Variants in SEMA3E observed in about 807,000 individuals in gnomAD.
SEMA3E encodes the protein semaphorin 3E.
Under a neutral mutation model 93.6 loss-of-function variants are expected in SEMA3E, and 49 were observed. The ratio of observed to expected loss-of-function variants is 0.52; its 90% CI spans 0.42 to 0.66. The LOEUF is 0.66. SEMA3E is among the 30% of genes least tolerant of loss of function. The probability of loss-of-function intolerance (pLI) is 0.00; values close to 1 mark genes in which losing one functional copy is unlikely to be tolerated. For synonymous variants in SEMA3E, 363 were observed against 330.7 expected (o/e 1.10, Z -1.06); for missense variants, 906 against 964.8 (o/e 0.94, Z 0.81).
At chr7:83,646,679 AT>A (rs1337160464) in intron 1 of SEMA3E, among the ~76,000 whole-genome samples, 2 of 152,046 alleles carry the variant, frequency 1.3e-5, no homozygotes, top group African/African-American at 4.8e-5. Flanking sequence ...AGTTACAATT[AT>A]TTCTTTGAAT....
At chr7:83,627,871 G>A (rs757197351) in intron 1 of SEMA3E, among the ~76,000 whole-genome samples, 11 of 151,948 alleles carry the variant, frequency 7.2e-5, no homozygotes, top group Non-Finnish European at 1.5e-4. Flanking sequence ...GATGCTAGCT[G>A]GTTATTTTGC....
intron 1 of SEMA3E, among the ~76,000 whole-genome samples, chr7:83,571,480 C>T (rs565878719): frequency 6.6e-6 from 1 of 152,258 alleles, no homozygotes; most frequent in South Asian, 2.1e-4. Flanking sequence ...ACCATATGAT[C>T]ATCTTCACAG....
intron 1 of SEMA3E, among the ~76,000 whole-genome samples, chr7:83,496,779 A>G (rs982647415): frequency 4.6e-5 from 7 of 152,072 alleles, no homozygotes; most frequent in African/African-American, 1.7e-4. Flanking sequence ...TTACCAAGTA[A>G]TGGCTGACTC....
intron 1 of SEMA3E, among the ~76,000 whole-genome samples, chr7:83,578,378 G>A (rs1161059448): frequency 2.0e-5 from 3 of 151,986 alleles, no homozygotes; most frequent in Non-Finnish European, 2.9e-5. Flanking sequence ...CTAACATGGC[G>A]AAACCCACCT....
chr7:83,508,725 G>A (rs1041474241), intron 1 of SEMA3E, among the ~76,000 whole-genome samples: 1 of 152,028 alleles, frequency 6.6e-6, no homozygotes, highest in Admixed American at 6.6e-5. Flanking sequence ...TATCTATGGG[G>A]AATTTAGGTT....
chr7:83,483,022 A>C (rs1198216025), intron 2 of SEMA3E, among the ~76,000 whole-genome samples: 4 of 152,088 alleles, frequency 2.6e-5, no homozygotes, highest in African/African-American at 9.7e-5. Context: ...TGCTCAGCTC[A>C]AAAAATTTAG....
intron 1 of SEMA3E, among the ~76,000 whole-genome samples, chr7:83,613,457 G>T (rs574969584): frequency 6.6e-6 from 1 of 152,112 alleles, no homozygotes; most frequent in African/African-American, 2.4e-5. Flanking sequence ...TTCAGAAAGT[G>T]CTCTTTCTTT....
intron 6 of SEMA3E, among the ~76,000 whole-genome samples, chr7:83,407,587 T>C (rs1241178339): frequency 6.6e-6 from 1 of 152,108 alleles, no homozygotes; most frequent in Non-Finnish European, 1.5e-5. Context: ...ACAAATTTCC[T>C]CCCATTGTAG....
At chr7:83,597,041 G>C (rs1349602402) in intron 1 of SEMA3E, among the ~76,000 whole-genome samples, 1 of 151,980 alleles carries the variant, frequency 6.6e-6, no homozygotes, top group South Asian at 2.1e-4. Flanking sequence ...TTAGACCAAC[G>C]GAACCGGTGA....
chr7:83,591,966 A>G (rs1792764778), intron 1 of SEMA3E, among the ~76,000 whole-genome samples: 1 of 152,104 alleles, frequency 6.6e-6, no homozygotes, highest in Non-Finnish European at 1.5e-5. Context: ...TTGCATATAT[A>G]GTCATGCAAA....
intron 5 of SEMA3E, among the ~76,000 whole-genome samples, chr7:83,412,372 G>C (rs1584230963): frequency 6.6e-6 from 1 of 152,014 alleles, no homozygotes; most frequent in African/African-American, 2.4e-5. Context: ...TTGAATCAAA[G>C]AATGGCTTAA....
chr7:83,531,081 A>T (rs2713149), intron 1 of SEMA3E, among the ~76,000 whole-genome samples: 128,629 of 152,060 alleles, frequency 0.85, 54,662 homozygotes, highest in South Asian at 0.95. Context: ...TATTTGCAAT[A>T]GCATGAAAAG....
intron 1 of SEMA3E, among the ~76,000 whole-genome samples, chr7:83,581,261 C>T (rs541560510): frequency 3.3e-5 from 5 of 151,898 alleles, no homozygotes; most frequent in Non-Finnish European, 7.4e-5. Flanking sequence ...TGTATCATTC[C>T]ATCAGTAAAA....
intron 2 of SEMA3E, among the ~76,000 whole-genome samples, chr7:83,481,890 T>A (rs527922307): frequency 6.6e-6 from 1 of 152,184 alleles, no homozygotes; most frequent in Admixed American, 6.5e-5. Context: ...TAGAAAATAA[T>A]TATTTAGTAC....
intron 4 of SEMA3E, among the ~76,000 whole-genome samples, chr7:83,436,189 TACAC>T (rs1448608614): frequency 1.3e-5 from 2 of 151,622 alleles, no homozygotes; most frequent in Non-Finnish European, 2.9e-5. Context: ...TGTGTGTGTG[TACAC>T]ACACACGCAT....
intron 3 of SEMA3E, among the ~76,000 whole-genome samples, chr7:83,467,415 C>G (rs533538918): frequency 6.6e-6 from 1 of 152,288 alleles, no homozygotes; most frequent in African/African-American, 2.4e-5. Flanking sequence ...CATAAAGCAC[C>G]TTCAGAGAGA....
At chr7:83,563,219 T>C (rs1584333250) in intron 1 of SEMA3E, among the ~76,000 whole-genome samples, 1 of 152,178 alleles carries the variant, frequency 6.6e-6, no homozygotes, top group South Asian at 2.1e-4. Flanking sequence ...TCTGGCCTCA[T>C]GCAGCTTATG....
chr7:83,598,288 T>G (rs74523694), intron 1 of SEMA3E, among the ~76,000 whole-genome samples: 6,447 of 152,216 alleles, frequency 0.042, 360 homozygotes, highest in African/African-American at 0.13. Context: ...TTCTAGTATT[T>G]CTCTGCAGAT....
At chr7:83,631,761 A>G (rs867765657) in intron 1 of SEMA3E, among the ~76,000 whole-genome samples, 50 of 152,358 alleles carry the variant, frequency 3.3e-4, no homozygotes, top group Admixed American at 7.8e-4. Flanking sequence ...AGTTGGTTCA[A>G]CAGAGTCCAT....
Sources: allele counts gnomAD v4.1 joint callset (sites outside exome capture counted in the v4.1 genomes callset), GRCh38; gene constraint gnomAD v4.1.1; transcripts MANE v1.5; gene names NCBI Gene and HGNC (gene_info 2026-07-23, HGNC 2026-07-21).